The following GRHL1 variants were observed in gnomAD, a reference collection of about 807,000 sequenced individuals.
GRHL1 encodes the protein grainyhead-like protein 1 homolog.
In GRHL1, 38 loss-of-function variants were observed where a neutral mutation model predicts 75.7. The ratio of observed to expected loss-of-function variants is 0.50; its 90% CI spans 0.39 to 0.66. The LOEUF is 0.66. GRHL1 is among the 30% of genes least tolerant of loss of function. The pLI, the probability that GRHL1 is intolerant of heterozygous loss-of-function variation, is 0.00. For missense variants in GRHL1, 589 were observed against 767.5 expected (o/e 0.77, Z 2.75); for synonymous variants, 266 against 279.4 (o/e 0.95, Z 0.48).
In GRHL1 at chr2:9,999,004, A is replaced by G; in HGVS notation, c.1717A>G (p.Lys573Glu). ...KYDVPHDKIG[K>E]IFKKCKKGIL... Reference sequence around the variant, plus strand: ...CGATGTTCCCCATGACAAGATTGGGAAAATATTCAAGAAGTGTAAAAAGGG... The same window carrying G: ...CGATGTTCCCCATGACAAGATTGGGGAAATATTCAAGAAGTGTAAAAAGGG... Residue 573 changes from lysine to glutamate, a missense_variant, in exon 15 of 16, where the codon AAA (lysine) becomes GAA (glutamate). This residue lies in a region of GRHL1 where 192 missense variants were observed against 226.6 expected (regional missense o/e 0.85). Coordinates refer to ENST00000324907, the MANE Select transcript of GRHL1 (RefSeq NM_198182.3). The G allele has an allele frequency of 6.3e-7, 1 of 1,580,900 alleles. No individual in the cohort carries two copies. The highest frequency in any genetic ancestry group is 2.3e-5 in the East Asian group (1 of 43,170).
In GRHL1 at chr2:9,961,249, C is replaced by A. The variant is rs762895500; in HGVS notation, c.482C>A (p.Thr161Asn). ...TMPTHSIKTETQPHGFAVGIP... is the reference protein window; with the variant it reads ...TMPTHSIKTENQPHGFAVGIP... Reference sequence around the variant, plus strand: ...CCTACCCACTCCATCAAGACAGAAACCCAGCCACATGGCTTCGCTGTGGGA... The same window carrying A: ...CCTACCCACTCCATCAAGACAGAAAACCAGCCACATGGCTTCGCTGTGGGA... The change falls in exon 4 of 16, where the codon ACC becomes AAC. Residue 161 changes from threonine (T) to asparagine (N), a missense_variant. Physicochemically the swap from Thr to Asn is moderately conservative, Grantham distance 65. This residue lies in a region of GRHL1 where 362 missense variants were observed against 461.8 expected (regional missense o/e 0.78). Transcript: ENST00000324907. 1.9e-5 allele frequency: 31 copies of A among 1,614,164 alleles called. No homozygotes were observed. The highest frequency in any genetic ancestry group is 2.6e-5 in the Non-Finnish European group (31 of 1,180,012).
chr2:9,965,984 T>G (rs1291573383), intron 8 of GRHL1: 1 of 152,392 alleles, frequency 6.6e-6, no homozygotes, highest in East Asian at 1.9e-4. Context: ...AGCATATTCC[T>G]AAGTCCTTTC....
At chr2:9,988,495 C>T (rs1201431569) in intron 9 of GRHL1, among the ~76,000 whole-genome samples, 2 of 152,132 alleles carry the variant, frequency 1.3e-5, no homozygotes, top group Non-Finnish European at 2.9e-5. Context: ...GGGCAGCTTC[C>T]TGGTACCTGT....
At chr2:9,998,732 G>GTATATATGTACACACATATATACGTA in intron 14 of GRHL1, among the ~76,000 whole-genome samples, 5 of 25,448 alleles carry the variant, frequency 2.0e-4, no homozygotes, top group South Asian at 2.0e-3. Context: ...ACATATATAC[G>GTATATATGTACACACATATATACGTA]TATATATGTA....
Position 9,998,797 on chromosome 2 carries a change from C to CGTATATATACGTATATATATGT in GRHL1, c.1678-168_1678-167insGTATATATACGTATATATATGT, listed in dbSNP as rs1669103005. Reference sequence around the variant, plus strand: ...ACATATATACGTATATATATGTACACACATATATATACGTATATATATGTA... The same window carrying CGTATATATACGTATATATATGT: ...ACATATATACGTATATATATGTACACGTATATATACGTATATATATGTACATATATATACGTATATATATGTA... On this transcript the variant is annotated intron_variant, in intron 14 of 15. Transcript: ENST00000324907. 4.6e-5 allele frequency among the ~76,000 whole-genome samples: 2 copies of CGTATATATACGTATATATATGT among 43,736 alleles called. 1 individual carries two copies. The highest frequency in any genetic ancestry group is 7.9e-5 in the Non-Finnish European group (2 of 25,342). The allele number at this position is 43,736 out of a possible 152,430, so 28.7% of individuals were successfully genotyped here.
intron 9 of GRHL1, among the ~76,000 whole-genome samples, chr2:9,988,219 T>C (rs572083456): frequency 6.6e-6 from 1 of 152,362 alleles, no homozygotes; most frequent in South Asian, 2.1e-4. Context: ...ATCTTATGTC[T>C]ATGATTTGCT....
intron 8 of GRHL1, among the ~76,000 whole-genome samples, chr2:9,976,527 A>G (rs1208478469): frequency 6.6e-6 from 1 of 152,010 alleles, no homozygotes; most frequent in Non-Finnish European, 1.5e-5. Flanking sequence ...TGTGACCCCA[A>G]GGGTCTTGGG....
intron 3 of GRHL1, 46 bp from the exon 4 acceptor site, chr2:9,960,996 CAAAG>C (rs1242984513): frequency 6.9e-7 from 1 of 1,441,680 alleles, no homozygotes; most frequent in South Asian, 1.4e-5. Flanking sequence ...TAAAAATTGT[CAAAG>C]AACTACATCA....
Position 9,986,109 on chromosome 2 carries a change from C to T in GRHL1, c.1111-15C>T, listed in dbSNP as rs1668405858. On this transcript the variant is annotated splice_polypyrimidine_tract_variant and intron_variant, in intron 8 of 15. Transcript: ENST00000324907. The stretch of plus-strand genomic sequence containing the variant: ...TGGTGCCTGTTGCTTATGGAACCTT[C>T]TCTTCCCTTGGCAGGTTTTCATCTC... The T allele has an allele frequency of 1.0e-5, 16 of 1,597,922 alleles. No individual in the cohort carries two copies. Among genetic ancestry groups the T allele is most frequent in the Non-Finnish European group, 1.3e-5 (15 of 1,172,548 alleles).
At chr2:9,957,878 G>A (rs899394234) in intron 2 of GRHL1, among the ~76,000 whole-genome samples, 4 of 152,132 alleles carry the variant, frequency 2.6e-5, no homozygotes, top group African/African-American at 9.7e-5. Flanking sequence ...CACTTCCCTT[G>A]CAAAGAAAAG....
chr2:9,964,517 C>A (rs899216942), intron 7 of GRHL1, 171 bp downstream of exon 7: 1 of 564,422 alleles, frequency 1.8e-6, no homozygotes. Context: ...GTGCTCTCAC[C>A]ATTGCTCCCA....
At chr2:9,979,782 C>T (rs3791758) in intron 8 of GRHL1, among the ~76,000 whole-genome samples, 42,936 of 152,072 alleles carry the variant, frequency 0.28, 6,232 homozygotes, top group Admixed American at 0.37. Context: ...ATGAAAAATA[C>T]CCTGATATGT....
At chr2:9,966,501 G>A (rs1667503216) in intron 8 of GRHL1, 1 of 152,136 alleles carries the variant, frequency 6.6e-6, no homozygotes, top group Non-Finnish European at 1.5e-5. Context: ...ATTAGGTATA[G>A]CATTCTCTCA....
At chr2:9,999,714 A>G (rs959349937) in intron 15 of GRHL1, among the ~76,000 whole-genome samples, 1 of 152,176 alleles carries the variant, frequency 6.6e-6, no homozygotes, top group African/African-American at 2.4e-5. Context: ...TTGTCTGTCT[A>G]TGATGTTTGG....
chr2:9,954,388 A>T (rs1341360674), intron 1 of GRHL1, among the ~76,000 whole-genome samples: 1 of 152,038 alleles, frequency 6.6e-6, no homozygotes, highest in African/African-American at 2.4e-5. Flanking sequence ...ACCCTGGAGG[A>T]TTGCGTGAAG....
At chr2:9,954,191 A>G (rs889109652) in intron 1 of GRHL1, among the ~76,000 whole-genome samples, 1 of 151,740 alleles carries the variant, frequency 6.6e-6, no homozygotes, top group Non-Finnish European at 1.5e-5. Context: ...TTTCCCACCT[A>G]TTTTTTTTAA....
At chr2:9,952,321 C>G (rs1404770027) in intron 1 of GRHL1, among the ~76,000 whole-genome samples, 1 of 152,232 alleles carries the variant, frequency 6.6e-6, no homozygotes, top group Non-Finnish European at 1.5e-5. Context: ...AGGCTCGTCA[C>G]TCGGCGACCT....
rs1436699296 is a variant in GRHL1 at position 9,998,996 on chromosome 2, A to T, written c.1709A>T (p.Lys570Met). 1.3e-6 allele frequency: 2 copies of T among 1,581,022 alleles called. No individual in the cohort carries two copies. Among genetic ancestry groups the T allele is most frequent in the Non-Finnish European group, 1.7e-6 (2 of 1,160,486 alleles). Residue 570 changes from lysine to methionine, a missense_variant, in exon 15 of 16, where the codon AAG (lysine) becomes ATG (methionine). Around this residue, in one of 5 missense-constraint regions of GRHL1, gnomAD observed 192 missense variants for 226.6 expected, o/e 0.85. Transcript: ENST00000324907. ...GACAAATACGATGTTCCCCATGACA[A>T]GATTGGGAAAATATTCAAGAAGTGT... ...ISDKYDVPHD[K>M]IGKIFKKCKK... is the part of the protein sequence containing the mutation.
chr2:9,980,167 T>TG (rs565216099), intron 8 of GRHL1, among the ~76,000 whole-genome samples: 125 of 151,940 alleles, frequency 8.2e-4, no homozygotes, highest in South Asian at 3.7e-3. Context: ...GTGGTTTGTT[T>TG]TTTTTTTGTC....
Sources: gnomAD v4.1 joint callset for allele counts (sites outside exome capture counted in the v4.1 genomes callset) on GRCh38, gnomAD v4.1.1 for gene constraint, gnomAD v4.1.1 regional missense constraint, MANE v1.5 for transcripts, NCBI Gene and HGNC (gene_info 2026-07-23, HGNC 2026-07-21) for gene names.